The following TULP4 variants were observed in gnomAD, a reference collection of about 807,000 sequenced individuals.
The protein encoded by TULP4 is tubby-related protein 4.
A neutral mutation model predicts 129.0 loss-of-function variants in TULP4; 16 were observed. The ratio of observed to expected loss-of-function variants is 0.12; its 90% CI spans 0.08 to 0.19. The LOEUF is 0.19. Among genes scored for constraint, TULP4 ranks in the 10% least tolerant of loss-of-function variants. The pLI is 1.00. For missense variants in TULP4, 1,842 were observed against 2,059.1 expected (o/e 0.89, Z 2.04); for synonymous variants, 998 against 854.0 (o/e 1.17, Z -2.94).
rs1210037781 is a variant in TULP4 at position 158,503,530 on chromosome 6, G to A, written c.3867G>A (p.Lys1289=). The change falls in exon 13 of 14, where the codon AAG becomes AAA. Residue 1289 remains lysine, a synonymous_variant. Coordinates refer to ENST00000367097, the MANE Select transcript of TULP4 (RefSeq NM_020245.5). The surrounding 1 kb of genome is among the most constrained non-coding windows in gnomAD (Gnocchi z 4.3). ...CAAAGCCACACTTGGTGGTGGAGAA[G>A]CCCCTTGTGTCCCCACCACCTGCCG... ...LPPKPHLVVE[K]PLVSPPPADL... 3 of 1,613,868 alleles carry A rather than the reference G, an allele frequency of 1.9e-6. No homozygotes were observed. Among genetic ancestry groups the A allele is most frequent in the African/African-American group, 2.7e-5 (2 of 74,922 alleles).
chr6:158,237,901 T>C, intron 1 of TULP4: 1 of 738,296 alleles, frequency 1.4e-6, no homozygotes, highest in East Asian at 2.6e-5. Flanking sequence ...GGTATGAATA[T>C]CTTTTGGATT....
At chr6:158,499,731 G>T (rs557831845) in intron 12 of TULP4, among the ~76,000 whole-genome samples, 2 of 152,188 alleles carry the variant, frequency 1.3e-5, no homozygotes, top group Non-Finnish European at 2.9e-5. Flanking sequence ...CAGAGGGACT[G>T]GTTCTTGCAG....
chr6:158,311,050 C>A (rs1437722023), upstream of TULP4, among the ~76,000 whole-genome samples: 1 of 152,068 alleles, frequency 6.6e-6, no homozygotes, highest in Non-Finnish European at 1.5e-5. Context: ...GTTTGACCCA[C>A]TGTTGATTTT....
chr6:158,254,707 T>G (rs1004991003), intron 1 of TULP4, among the ~76,000 whole-genome samples: 1 of 152,228 alleles, frequency 6.6e-6, no homozygotes, highest in Non-Finnish European at 1.5e-5. Context: ...AAACTAAGGC[T>G]GAGATTTGCC....
intron 3 of TULP4, among the ~76,000 whole-genome samples, chr6:158,441,207 G>A (rs1024665635): frequency 8.6e-5 from 13 of 152,000 alleles, no homozygotes; most frequent in Admixed American, 6.6e-4. Flanking sequence ...CCAGCTAGTC[G>A]GGAGGCTGAG....
At chr6:158,377,599 T>C (rs1777221479) in intron 1 of TULP4, among the ~76,000 whole-genome samples, 1 of 152,230 alleles carries the variant, frequency 6.6e-6, no homozygotes, top group Non-Finnish European at 1.5e-5. Flanking sequence ...CTAGACACTA[T>C]GCTGAGTGTT....
At chr6:158,375,879 A>G (rs1777174830) in intron 1 of TULP4, among the ~76,000 whole-genome samples, 1 of 152,226 alleles carries the variant, frequency 6.6e-6, no homozygotes, top group Non-Finnish European at 1.5e-5. Context: ...AAGTAATTAA[A>G]CTTAAAAATA....
intron 1 of TULP4, among the ~76,000 whole-genome samples, chr6:158,240,368 G>C (rs1203732677): frequency 1.3e-5 from 1 of 77,372 alleles, no homozygotes; most frequent in Admixed American, 1.3e-4. Context: ...CTCCCTCCCG[G>C]ACCGGGCGGC....
chr6:158,495,192 A>G (rs1170257066), intron 11 of TULP4, among the ~76,000 whole-genome samples: 1 of 151,974 alleles, frequency 6.6e-6, no homozygotes, highest in Non-Finnish European at 1.5e-5. Context: ...AGCTGGGATT[A>G]CAGGTTCGCG....
At chr6:158,342,688 G>A (rs1347761397) in intron 1 of TULP4, among the ~76,000 whole-genome samples, 1 of 152,172 alleles carries the variant, frequency 6.6e-6, no homozygotes. Context: ...AAGGCACCAT[G>A]GCATAAAGAA....
At position 158,411,331 on chromosome 6, in the gene TULP4, T is replaced by G. The variant is rs377013551; in HGVS notation, c.253-1734T>G. ...GCAGCACAGACCTGTGGGGGGTGGG[T>G]GGTGTTCACAAGCTGATAGTTCTGT... On this transcript the variant is annotated intron_variant, in intron 1 of 13. Transcript: ENST00000367097. Among the ~76,000 whole-genome samples, 79 of 152,090 alleles carry G rather than the reference T, an allele frequency of 5.2e-4. 1 individual carries two copies. The highest frequency in any genetic ancestry group is 1.8e-3 in the African/African-American group (74 of 41,486).
chr6:158,432,829 A>G lies in TULP4; in HGVS notation c.543+2932A>G, dbSNP rs150192366. On this transcript the variant is annotated intron_variant, in intron 3 of 13. Transcript: ENST00000367097. ...ATAAACCTTCCTGAAACATTTTGCC[A>G]TATTTGCACTTTTTCCTCACCACTC... is the stretch of plus-strand genomic sequence containing the variant. Among the ~76,000 whole-genome samples, 35 of 152,340 alleles carry G rather than the reference A, an allele frequency of 2.3e-4. No individual in the cohort carries two copies. The East Asian group carries it at 6.2e-3, about 27-fold the overall frequency.
At chr6:158,418,672 A>C (rs968364700) in intron 2 of TULP4, among the ~76,000 whole-genome samples, 2 of 152,288 alleles carry the variant, frequency 1.3e-5, no homozygotes, top group Non-Finnish European at 2.9e-5. Context: ...GGAAGGCGGC[A>C]ATGGGAGGAT....
At chr6:158,285,812 G>T (rs1347603248) in intron 1 of TULP4, among the ~76,000 whole-genome samples, 1 of 152,136 alleles carries the variant, frequency 6.6e-6, no homozygotes, top group African/African-American at 2.4e-5. Flanking sequence ...CGAGGGTCAG[G>T]CACTTCTGCT....
chr6:158,319,864 G>T (rs530235397), intron 1 of TULP4, among the ~76,000 whole-genome samples: 1 of 152,270 alleles, frequency 6.6e-6, no homozygotes, highest in African/African-American at 2.4e-5. Context: ...ATATAGTAGA[G>T]GAATTCTTAT....
At chr6:158,498,576 A>G (rs1780379623) in intron 11 of TULP4, 93 bp from the exon 12 acceptor site, 3 of 1,489,932 alleles carry the variant, frequency 2.0e-6, no homozygotes, top group African/African-American at 1.4e-5. Flanking sequence ...TGGCAGGGAA[A>G]CTGCAGTGCG....
At chr6:158,294,728 C>A (rs1402591610) in intron 1 of TULP4, among the ~76,000 whole-genome samples, 1 of 151,498 alleles carries the variant, frequency 6.6e-6, no homozygotes. Context: ...TTTCTTCTTT[C>A]TTCTTCTTCT....
At chr6:158,470,272 G>A (rs916080548) in intron 6 of TULP4, among the ~76,000 whole-genome samples, 12 of 152,246 alleles carry the variant, frequency 7.9e-5, no homozygotes, top group African/African-American at 2.4e-4. Flanking sequence ...TGGACAGCGA[G>A]CGAAAGCTCA....
At chr6:158,363,981 C>T (rs1780860091) in intron 1 of TULP4, among the ~76,000 whole-genome samples, 1 of 152,054 alleles carries the variant, frequency 6.6e-6, no homozygotes, top group Non-Finnish European at 1.5e-5. Flanking sequence ...CAACACTTTA[C>T]CTTTCAAAAT....
Sources: gnomAD v4.1 joint callset for allele counts (sites outside exome capture counted in the v4.1 genomes callset) on GRCh38, gnomAD v4.1.1 for gene constraint, Gnocchi (gnomAD v3.1) non-coding constraint, MANE v1.5 for transcripts, NCBI Gene and HGNC (gene_info 2026-07-23, HGNC 2026-07-21) for gene names.